The following CTNND2 variants were observed in gnomAD, a reference collection of about 807,000 sequenced individuals.
CTNND2 encodes catenin delta 2.
CTNND2 carries 22 observed loss-of-function variants against 144.4 expected under a neutral mutation model. The ratio of observed to expected loss-of-function variants is 0.15; its 90% CI spans 0.11 to 0.22. CTNND2 has a LOEUF of 0.22. Ranked by LOEUF, CTNND2 falls within the 10% of genes least tolerant of loss-of-function variation. The pLI, the probability that CTNND2 is intolerant of heterozygous loss-of-function variation, is 1.00. For missense variants in CTNND2, 1,353 were observed against 1,618.8 expected, an observed-to-expected ratio of 0.84 and a Z score of 2.82; for synonymous variants, 751 against 695.6, an observed-to-expected ratio of 1.08 and a Z score of -1.25.
intron 3 of CTNND2, among the ~76,000 whole-genome samples, chr5:11,420,453 T>C (rs1762278873): frequency 6.6e-6 from 1 of 152,214 alleles, no homozygotes; most frequent in Non-Finnish European, 1.5e-5. Flanking sequence ...TACATAGTTT[T>C]GCATGCAGCC....
At chr5:11,122,026 C>T (rs1691160546) in intron 12 of CTNND2, among the ~76,000 whole-genome samples, 1 of 152,164 alleles carries the variant, frequency 6.6e-6, no homozygotes, top group South Asian at 2.1e-4. Context: ...ACCTAGCATT[C>T]AGCTGAGTGT....
At chr5:11,116,224 G>A (rs190001028) in intron 13 of CTNND2, among the ~76,000 whole-genome samples, 13 of 152,322 alleles carry the variant, frequency 8.5e-5, no homozygotes, top group South Asian at 4.1e-4. Context: ...TTAAGGTCAC[G>A]GTTCATAACC....
intron 2 of CTNND2, among the ~76,000 whole-genome samples, chr5:11,584,431 G>C (rs1344505095): frequency 4.1e-5 from 6 of 145,842 alleles, no homozygotes; most frequent in Admixed American, 6.8e-5. Context: ...TTTTTGGGGG[G>C]GGGGAGGAGG....
chr5:11,400,549 C>T (rs1353873993), intron 5 of CTNND2, among the ~76,000 whole-genome samples: 4 of 152,166 alleles, frequency 2.6e-5, no homozygotes, highest in Admixed American at 1.3e-4. Flanking sequence ...GAAACCATTT[C>T]CTCATACATT....
At chr5:11,576,919 G>C (rs1778016974) in intron 2 of CTNND2, among the ~76,000 whole-genome samples, 1 of 152,098 alleles carries the variant, frequency 6.6e-6, no homozygotes, top group African/African-American at 2.4e-5. Flanking sequence ...TTGACCACTG[G>C]AAATCAAAAT....
At chr5:11,441,148 G>T (rs1264717978) in intron 3 of CTNND2, among the ~76,000 whole-genome samples, 1 of 151,860 alleles carries the variant, frequency 6.6e-6, no homozygotes, top group African/African-American at 2.4e-5. Flanking sequence ...GATCATATTT[G>T]GTAATTACTT....
chr5:11,390,798 T>C (rs911465936), intron 6 of CTNND2, among the ~76,000 whole-genome samples: 6 of 152,196 alleles, frequency 3.9e-5, no homozygotes, highest in African/African-American at 1.4e-4. Context: ...ATTCACTGTA[T>C]TCATCCCTTT....
At chr5:11,495,567 C>G (rs193296892) in intron 3 of CTNND2, among the ~76,000 whole-genome samples, 23 of 152,294 alleles carry the variant, frequency 1.5e-4, no homozygotes, top group African/African-American at 5.1e-4. Context: ...AGTCCAGATA[C>G]AAGCTGAGAC....
At chr5:11,078,012 A>G (rs1241337002) in intron 16 of CTNND2, among the ~76,000 whole-genome samples, 1 of 152,202 alleles carries the variant, frequency 6.6e-6, no homozygotes, top group Non-Finnish European at 1.5e-5. Flanking sequence ...TGAGACACTC[A>G]TAAGACATCC....
intron 1 of CTNND2, among the ~76,000 whole-genome samples, chr5:11,758,080 A>G (rs1240480256): frequency 6.6e-6 from 1 of 152,020 alleles, no homozygotes; most frequent in East Asian, 1.9e-4. Flanking sequence ...TTACAAAACA[A>G]TACACATTAG....
intron 2 of CTNND2, among the ~76,000 whole-genome samples, chr5:11,730,089 G>A (rs7728188): frequency 0.093 from 14,174 of 152,006 alleles, 1,353 homozygotes; most frequent in African/African-American, 0.25. Flanking sequence ...TTATACTTGT[G>A]GCACATATTT....
At chr5:11,761,337 C>A (rs1291466226) in intron 1 of CTNND2, among the ~76,000 whole-genome samples, 1 of 152,108 alleles carries the variant, frequency 6.6e-6, no homozygotes, top group Non-Finnish European at 1.5e-5. Context: ...TTTCTGTGTA[C>A]CACACATATA....
At chr5:11,827,573 A>G (rs1197597492) in intron 1 of CTNND2, among the ~76,000 whole-genome samples, 1 of 152,220 alleles carries the variant, frequency 6.6e-6, no homozygotes, top group Non-Finnish European at 1.5e-5. Context: ...TAGAGAAAAC[A>G]TAAAATACTG....
At chr5:11,641,654 G>T (rs547098851) in intron 2 of CTNND2, among the ~76,000 whole-genome samples, 2 of 142,434 alleles carry the variant, frequency 1.4e-5, no homozygotes, top group Admixed American at 1.4e-4. Flanking sequence ...ACATATACGT[G>T]TGTATATACA....
At chr5:11,627,436 A>G (rs1438969046) in intron 2 of CTNND2, among the ~76,000 whole-genome samples, 1 of 152,122 alleles carries the variant, frequency 6.6e-6, no homozygotes, top group Admixed American at 6.5e-5. Context: ...AGCCTCATCT[A>G]CTGGACCATG....
intron 2 of CTNND2, among the ~76,000 whole-genome samples, chr5:11,701,182 T>C (rs1239220091): frequency 2.0e-5 from 3 of 152,158 alleles, no homozygotes; most frequent in Admixed American, 2.0e-4. Context: ...CTTGAGGACA[T>C]AGCAGGCTTT....
intron 3 of CTNND2, among the ~76,000 whole-genome samples, chr5:11,425,911 G>C (rs1484627072): frequency 6.6e-6 from 1 of 152,152 alleles, no homozygotes; most frequent in South Asian, 2.1e-4. Flanking sequence ...TGCTACGTCA[G>C]TTTCGCCCAT....
chr5:11,668,371 C>A, intron 2 of CTNND2, among the ~76,000 whole-genome samples: 1 of 152,318 alleles, frequency 6.6e-6, no homozygotes, highest in East Asian at 1.9e-4. Context: ...CCCATTTTCA[C>A]GATATTGATT....
intron 1 of CTNND2, among the ~76,000 whole-genome samples, chr5:11,843,244 C>A (rs559257543): frequency 6.6e-6 from 1 of 152,252 alleles, no homozygotes; most frequent in East Asian, 1.9e-4. Flanking sequence ...ATTAGTAGTT[C>A]CCAATGCACT....
Sources: gnomAD v4.1 joint callset for allele counts (sites outside exome capture counted in the v4.1 genomes callset) on GRCh38, gnomAD v4.1.1 for gene constraint, MANE v1.5 for transcripts, NCBI Gene and HGNC (gene_info 2026-07-23, HGNC 2026-07-21) for gene names.